Variants in PLEKHM3 observed in about 807,000 individuals in gnomAD.
The protein encoded by PLEKHM3 is pleckstrin homology domain-containing family M member 3.
PLEKHM3 carries 45 observed loss-of-function variants against 81.8 expected under a neutral mutation model. The ratio of observed to expected loss-of-function variants is 0.55; its 90% CI spans 0.43 to 0.71. The LOEUF (loss-of-function observed/expected upper bound fraction) is 0.71. PLEKHM3 is among the 30% of genes least tolerant of loss of function. The probability of loss-of-function intolerance (pLI) is 0.00; values close to 1 mark genes in which losing one functional copy is unlikely to be tolerated. For missense variants in PLEKHM3, 788 were observed against 924.3 expected, an observed-to-expected ratio of 0.85 and a Z score of 1.91; for synonymous variants, 352 against 356.4, an observed-to-expected ratio of 0.99 and a Z score of 0.14.
chr2:207,896,134 G>T lies in PLEKHM3; in HGVS notation c.1950+12380C>A, dbSNP rs1463126734. ...GACTTCCACAATTTCATCACTTCTC[G>T]AGCTCTATAAAATCACAGAATGAGG... On this transcript the variant is annotated intron_variant, in intron 6 of 7. Transcript: ENST00000427836. 5.9e-5 allele frequency among the ~76,000 whole-genome samples: 9 copies of T among 152,278 alleles called. No individual in the cohort carries two copies. The South Asian group carries it at 1.0e-3, about 18-fold the overall frequency.
chr2:207,941,236 T>C (rs1689929549), intron 4 of PLEKHM3, among the ~76,000 whole-genome samples: 1 of 152,150 alleles, frequency 6.6e-6, no homozygotes, highest in Non-Finnish European at 1.5e-5. Context: ...TGAAAGTAAG[T>C]CTCAGACATC....
At chr2:207,995,839 A>G (rs1692102471) in intron 2 of PLEKHM3, among the ~76,000 whole-genome samples, 1 of 152,212 alleles carries the variant, frequency 6.6e-6, no homozygotes, top group South Asian at 2.1e-4. Flanking sequence ...TGGTTCATGT[A>G]TTCTTCTCTC....
At chr2:208,010,504 A>G (rs190041465) in intron 1 of PLEKHM3, among the ~76,000 whole-genome samples, 1 of 152,340 alleles carries the variant, frequency 6.6e-6, no homozygotes, top group East Asian at 1.9e-4. Context: ...TGACTAGAAA[A>G]CAAACAAAAG....
At chr2:208,015,038 A>G (rs563575609) in intron 1 of PLEKHM3, among the ~76,000 whole-genome samples, 1 of 152,386 alleles carries the variant, frequency 6.6e-6, no homozygotes, top group East Asian at 1.9e-4. Context: ...TCTAAGACCA[A>G]GATTAAAAAG....
intron 7 of PLEKHM3, among the ~76,000 whole-genome samples, chr2:207,845,252 G>C (rs890440060): frequency 7.9e-5 from 12 of 152,156 alleles, no homozygotes; most frequent in Admixed American, 6.6e-4. Context: ...TTGTATGAAA[G>C]AAGTCTTAAA....
At position 207,962,689 on chromosome 2, in the gene PLEKHM3, G is replaced by A. The variant is rs116758533; in HGVS notation, c.1546+13962C>T. ...ATTTGTGAGGTCTGTGCTAATTCCG[G>A]GTGGTCAGTGACAGAACTGTATTGC... On this transcript the variant is annotated intron_variant, in intron 3 of 7. Transcript: ENST00000427836. Among the ~76,000 whole-genome samples, 1,344 of 152,194 alleles carry A rather than the reference G, an allele frequency of 8.8e-3. 27 individuals carry two copies. Among genetic ancestry groups the A allele is most frequent in the African/African-American group, 0.031 (1,266 of 41,498 alleles).
chr2:207,858,085 GC>G (rs2092445352), intron 7 of PLEKHM3, among the ~76,000 whole-genome samples: 1 of 146,948 alleles, frequency 6.8e-6, no homozygotes, highest in Non-Finnish European at 1.5e-5. Flanking sequence ...CCCATGAGTT[GC>G]TTAGAAATAT....
intron 6 of PLEKHM3, among the ~76,000 whole-genome samples, chr2:207,876,168 C>A (rs758106374): frequency 2.0e-5 from 3 of 152,148 alleles, no homozygotes; most frequent in African/African-American, 7.2e-5. Flanking sequence ...AAAGCTCAGG[C>A]GATCCTCTGC....
chr2:207,890,087 G>A (rs1688009219), intron 6 of PLEKHM3, among the ~76,000 whole-genome samples: 1 of 152,196 alleles, frequency 6.6e-6, no homozygotes, highest in Non-Finnish European at 1.5e-5. Flanking sequence ...TTACAGGTGT[G>A]AGCCACCGTC....
chr2:207,868,383 C>T (rs1240404205), intron 6 of PLEKHM3, among the ~76,000 whole-genome samples: 2 of 152,014 alleles, frequency 1.3e-5, no homozygotes, highest in Non-Finnish European at 2.9e-5. Flanking sequence ...AGGGGCTGGC[C>T]TTCGGGAGCT....
At chr2:207,891,907 C>T (rs1052079960) in intron 6 of PLEKHM3, among the ~76,000 whole-genome samples, 8 of 152,312 alleles carry the variant, frequency 5.3e-5, no homozygotes, top group East Asian at 1.9e-4. Context: ...CTTGCAAGCA[C>T]GCCTGAGAAC....
intron 5 of PLEKHM3, among the ~76,000 whole-genome samples, chr2:207,922,181 C>T (rs1689205423): frequency 6.6e-6 from 1 of 152,144 alleles, no homozygotes; most frequent in African/African-American, 2.4e-5. Context: ...GCCATTCTAA[C>T]TGGGGTGAGA....
Position 207,865,801 on chromosome 2 carries a change from A to AAAAAAAAAAAAAATATAT in PLEKHM3, c.1951-4540_1951-4539insATATATTTTTTTTTTTTT. On this transcript the variant is annotated intron_variant, in intron 6 of 7. Coordinates refer to ENST00000427836, the MANE Select transcript of PLEKHM3 (RefSeq NM_001080475.3). Reference sequence around the variant, plus strand: ...CGACTCAAAAAAAAAAAAAAAAAAAAAGATATATATATATATATATATATA... The same window carrying AAAAAAAAAAAAAATATAT: ...CGACTCAAAAAAAAAAAAAAAAAAAAAAAAAAAAAAAAATATATAGATATATATATATATATATATATA... 1.2e-4 allele frequency among the ~76,000 whole-genome samples: 3 copies of AAAAAAAAAAAAAATATAT among 25,286 alleles called. 1 individual carries two copies. The highest frequency in any genetic ancestry group is 2.3e-4 in the Non-Finnish European group (3 of 13,198). 16.6% of individuals were successfully genotyped at this position (25,286 alleles called of 152,430 possible).
chr2:207,972,444 G>A (rs1175170014), intron 3 of PLEKHM3, among the ~76,000 whole-genome samples: 5 of 151,936 alleles, frequency 3.3e-5, no homozygotes, highest in Non-Finnish European at 7.4e-5. Context: ...AAAATTAGCC[G>A]GGCCTGGTGG....
At chr2:207,840,797 A>ATTTTTT (rs1234865200) in intron 7 of PLEKHM3, among the ~76,000 whole-genome samples, 2 of 110,258 alleles carry the variant, frequency 1.8e-5, no homozygotes, top group Non-Finnish European at 1.9e-5. Flanking sequence ...AACACTTTTT[A>ATTTTTT]TGTTTTTTTT....
chr2:207,943,916 C>T (rs1215215319), intron 4 of PLEKHM3, among the ~76,000 whole-genome samples: 1 of 148,104 alleles, frequency 6.8e-6, no homozygotes, highest in East Asian at 2.0e-4. Flanking sequence ...TATAGCTAAC[C>T]AATTTATATA....
chr2:207,957,680 A>T lies in PLEKHM3; in HGVS notation c.1547-11168T>A, dbSNP rs1181481884. ...GCCATTGCACTCCAGCCTAGGTGAC[A>T]GAGCGAGACTCTGTCTCAAAAAACA... On this transcript the variant is annotated intron_variant, in intron 3 of 7. Coordinates refer to ENST00000427836, the MANE Select transcript of PLEKHM3 (RefSeq NM_001080475.3). 3.3e-5 allele frequency among the ~76,000 whole-genome samples: 5 copies of T among 152,358 alleles called. No homozygotes were observed. In the South Asian group the frequency reaches 6.2e-4, roughly 19 times the overall value.
At chr2:207,881,058 T>G (rs2105850845) in intron 6 of PLEKHM3, among the ~76,000 whole-genome samples, 1 of 151,780 alleles carries the variant, frequency 6.6e-6, no homozygotes, top group Non-Finnish European at 1.5e-5. Context: ...CTTCTGAATT[T>G]CTGAATTTAT....
chr2:207,953,567 T>A (rs1690407004), intron 3 of PLEKHM3, among the ~76,000 whole-genome samples: 1 of 152,058 alleles, frequency 6.6e-6, no homozygotes, highest in South Asian at 2.1e-4. Flanking sequence ...GGTGGACAGA[T>A]CTCTTGGGGT....
Sources: allele counts gnomAD v4.1 joint callset (sites outside exome capture counted in the v4.1 genomes callset), GRCh38; gene constraint gnomAD v4.1.1; transcripts MANE v1.5; gene names NCBI Gene and HGNC (gene_info 2026-07-23, HGNC 2026-07-21).